Variants in FOXJ3 observed in about 807,000 individuals in gnomAD.
FOXJ3 encodes forkhead box J3.
FOXJ3 carries 22 observed loss-of-function variants against 76.1 expected under a neutral mutation model. The observed-to-expected ratio is 0.29, with a 90% CI of 0.21 to 0.41. The LOEUF is 0.41. FOXJ3 is among the 10% of genes least tolerant of loss of function. The pLI, the probability that FOXJ3 is intolerant of heterozygous loss-of-function variation, is 1.00. For synonymous variants in FOXJ3, 269 were observed against 261.2 expected (o/e 1.03, Z -0.29); for missense variants, 613 against 762.1 (o/e 0.80, Z 2.30).
intron 2 of FOXJ3, among the ~76,000 whole-genome samples, chr1:42,291,099 CAGAT>C (rs1553167277): frequency 2.0e-5 from 3 of 148,954 alleles, no homozygotes; most frequent in Admixed American, 6.6e-5. Flanking sequence ...GACAGACAGA[CAGAT>C]AGATCCACAG....
chr1:42,256,346 C>A (rs1170220078), intron 4 of FOXJ3, among the ~76,000 whole-genome samples: 1 of 152,102 alleles, frequency 6.6e-6, no homozygotes, highest in Admixed American at 6.6e-5. Flanking sequence ...AGACTTGTAT[C>A]CAGAATATAT....
chr1:42,283,746 C>A (rs926505695), intron 2 of FOXJ3, among the ~76,000 whole-genome samples: 3 of 152,192 alleles, frequency 2.0e-5, no homozygotes, highest in African/African-American at 7.2e-5. Flanking sequence ...TCATGCATCT[C>A]TTTGGGTCAA....
intron 11 of FOXJ3, among the ~76,000 whole-genome samples, chr1:42,183,826 C>G (rs1357618883): frequency 6.6e-6 from 1 of 152,080 alleles, no homozygotes; most frequent in East Asian, 1.9e-4. Context: ...CAGAGATAAT[C>G]TAATCTGACC....
chr1:42,323,386 A>G (rs1246046563), intron 1 of FOXJ3, among the ~76,000 whole-genome samples: 2 of 152,144 alleles, frequency 1.3e-5, no homozygotes, highest in East Asian at 3.8e-4. Context: ...TTATTAGCCA[A>G]CCACTCCTCC....
chr1:42,181,888 C>T, intron 12 of FOXJ3, 29 bp downstream of exon 12: 1 of 1,427,804 alleles, frequency 7.0e-7, no homozygotes, highest in Non-Finnish European at 9.8e-7. Context: ...CACACACACA[C>T]ACACACTCAC....
chr1:42,248,507 C>A (rs1649725170), intron 4 of FOXJ3, among the ~76,000 whole-genome samples: 1 of 146,318 alleles, frequency 6.8e-6, no homozygotes, highest in Admixed American at 6.9e-5. Flanking sequence ...GCACTCCAGC[C>A]TGGGCGACAG....
intron 3 of FOXJ3, among the ~76,000 whole-genome samples, chr1:42,270,775 C>T (rs572929694): frequency 6.6e-6 from 1 of 152,248 alleles, no homozygotes; most frequent in African/African-American, 2.4e-5. Flanking sequence ...ATGCAGATTC[C>T]TAGGCTCTAT....
chr1:42,311,519 T>A (rs1239066163), intron 1 of FOXJ3, among the ~76,000 whole-genome samples: 1 of 152,100 alleles, frequency 6.6e-6, no homozygotes, highest in East Asian at 1.9e-4. Context: ...GCATGCAAGG[T>A]TCCAACCCCC....
At chr1:42,201,246 T>C (rs1646759395) in intron 6 of FOXJ3, among the ~76,000 whole-genome samples, 1 of 152,238 alleles carries the variant, frequency 6.6e-6, no homozygotes. Flanking sequence ...TGTTTGTAAC[T>C]TCTAACTGGC....
At chr1:42,335,412 C>T (rs1390918371), upstream of FOXJ3, 2 of 152,316 alleles carry the variant, frequency 1.3e-5, no homozygotes, top group East Asian at 1.9e-4. Context: ...TGCATCGGCG[C>T]AGCCGGTGTC....
chr1:42,203,356 C>T (rs928567012), intron 6 of FOXJ3, among the ~76,000 whole-genome samples: 12 of 152,190 alleles, frequency 7.9e-5, no homozygotes, highest in African/African-American at 2.9e-4. Flanking sequence ...ATGCTGCACC[C>T]TATACTTATG....
rs778173746 is a variant in FOXJ3, at chr1:42,179,484, A to T, written c.*226T>A. On this transcript the variant is annotated 3_prime_UTR_variant, in exon 13 of 13. Coordinates refer to ENST00000361346, the MANE Select transcript of FOXJ3 (RefSeq NM_014947.5). ...CCGTCCAAATCACACAACAGTTAGGAGCTACATAGGGCAGCTGGCAGGGAG... is the reference window on the plus strand; with the variant it reads ...CCGTCCAAATCACACAACAGTTAGGTGCTACATAGGGCAGCTGGCAGGGAG... 2.0e-5 allele frequency: 7 copies of T among 342,454 alleles called. No homozygotes were observed. Among genetic ancestry groups the T allele is most frequent in the Non-Finnish European group, 3.8e-5 (7 of 186,506 alleles). The allele number at this position is 342,454 out of a possible 1,614,324, so 21.2% of individuals were successfully genotyped here.
chr1:42,216,165 A>T (rs1214136304), intron 5 of FOXJ3, among the ~76,000 whole-genome samples: 1 of 152,166 alleles, frequency 6.6e-6, no homozygotes, highest in East Asian at 1.9e-4. Flanking sequence ...AGCAAAGAAA[A>T]AACCTGGACC....
chr1:42,309,839 G>A (rs1654698038), intron 2 of FOXJ3, among the ~76,000 whole-genome samples: 1 of 152,172 alleles, frequency 6.6e-6, no homozygotes, highest in Admixed American at 6.5e-5. Context: ...GGTAGAACAT[G>A]GAAGCTTAAA....
rs190315926 is a variant in FOXJ3 at position 42,261,656 on chromosome 1, C to G, written c.444+3459G>C. ...TAATACAATGAACAGAAAGCTGTAT[C>G]GTGAAAATACAGAGAAGATGCTATA... On this transcript the variant is annotated intron_variant, in intron 4 of 12. Coordinates refer to ENST00000361346, the MANE Select transcript of FOXJ3 (RefSeq NM_014947.5). 3.9e-5 allele frequency among the ~76,000 whole-genome samples: 6 copies of G among 152,248 alleles called. No homozygotes were observed. In the South Asian group the frequency reaches 6.2e-4, roughly 16 times the overall value.
At chr1:42,246,159 G>C (rs970525660) in intron 4 of FOXJ3, among the ~76,000 whole-genome samples, 1 of 152,092 alleles carries the variant, frequency 6.6e-6, no homozygotes, top group African/African-American at 2.4e-5. Flanking sequence ...ATAAACAAAT[G>C]AGATTATATT....
intron 5 of FOXJ3, among the ~76,000 whole-genome samples, chr1:42,217,278 C>T (rs188298618): frequency 6.6e-6 from 1 of 152,280 alleles, no homozygotes; most frequent in East Asian, 1.9e-4. Context: ...CTCCTGTAAT[C>T]CCAGCACTTT....
At chr1:42,182,217 G>A (rs1481392656) in intron 11 of FOXJ3, among the ~76,000 whole-genome samples, 193 bp from the exon 12 acceptor site, 4 of 152,176 alleles carry the variant, frequency 2.6e-5, no homozygotes, top group African/African-American at 4.8e-5. Context: ...GTGCCAGGCC[G>A]GGTGTGAACA....
intron 12 of FOXJ3, 99 bp from the exon 13 acceptor site, chr1:42,179,924 T>A: frequency 1.4e-6 from 1 of 739,208 alleles, no homozygotes; most frequent in Non-Finnish European, 2.4e-6. Context: ...CAGGCACACA[T>A]TATCTCACTA....
Sources: allele counts gnomAD v4.1 joint callset (sites outside exome capture counted in the v4.1 genomes callset), GRCh38; gene constraint gnomAD v4.1.1; transcripts MANE v1.5; gene names NCBI Gene and HGNC (gene_info 2026-07-23, HGNC 2026-07-21).